SLC2A9: variants seen among roughly 807,000 people sequenced by gnomAD.
SLC2A9 encodes solute carrier family 2, facilitated glucose transporter member 9.
SLC2A9 carries 39 observed loss-of-function variants against 50.6 expected under a neutral mutation model. That is an observed-to-expected ratio of 0.77 (90% CI 0.60 to 1.01). The LOEUF is 1.01. Among genes scored for constraint, SLC2A9 ranks in the 50% least tolerant of loss-of-function variants. The pLI, the probability that SLC2A9 is intolerant of heterozygous loss-of-function variation, is 0.00. For synonymous variants in SLC2A9, 324 were observed against 276.9 expected, an observed-to-expected ratio of 1.17 and a Z score of -1.69; for missense variants, 686 against 677.6, an observed-to-expected ratio of 1.01 and a Z score of -0.14.
At chr4:9,852,258 T>C (rs1203368778) in intron 10 of SLC2A9, among the ~76,000 whole-genome samples, 1 of 151,664 alleles carries the variant, frequency 6.6e-6, no homozygotes, top group African/African-American at 2.4e-5. Context: ...TTTTTTTTTT[T>C]TTTTTGAGAC....
chr4:9,945,913 T>C (rs1749059653), intron 5 of SLC2A9, among the ~76,000 whole-genome samples: 1 of 152,200 alleles, frequency 6.6e-6, no homozygotes, highest in African/African-American at 2.4e-5. Context: ...CTGGTCCCTT[T>C]CACAAACAGC....
intron 10 of SLC2A9, among the ~76,000 whole-genome samples, chr4:9,852,186 A>G (rs560678512): frequency 2.0e-4 from 30 of 152,334 alleles, no homozygotes; most frequent in African/African-American, 5.3e-4. Flanking sequence ...TCAGGCTAAC[A>G]GTGGATGTTT....
At position 9,963,015 on chromosome 4, in the gene SLC2A9, G is replaced by A. The variant is rs575683526; in HGVS notation, c.681+17577C>T. The stretch of plus-strand genomic sequence containing the variant: ...TGCCACCTTCTCCAGAAAGCTTTCC[G>A]TGGCCCTCTCTCGCTGCATTAGGGC... On this transcript the variant is annotated intron_variant, in intron 5 of 11. Transcript: ENST00000264784. Among the ~76,000 whole-genome samples, 9 of 152,196 alleles carry A rather than the reference G, an allele frequency of 5.9e-5. No individual in the cohort carries two copies. In the South Asian group the frequency reaches 1.2e-3, roughly 21 times the overall value.
At chr4:9,783,583 T>C (rs189072747) in intron 3 of SLC2A9, 11 of 979,740 alleles carry the variant, frequency 1.1e-5, no homozygotes, top group African/African-American at 3.3e-5. Context: ...TTCTGTGTAG[T>C]AGCTCGTGTG....
chr4:10,029,591 TATA>T (rs1763869507), intron 1 of SLC2A9, among the ~76,000 whole-genome samples: 2 of 106,114 alleles, frequency 1.9e-5, no homozygotes, highest in South Asian at 2.4e-4. Context: ...TATTTTATTT[TATA>T]TTATTTTATT....
At chr4:9,774,869 T>C (rs1413105782), downstream of SLC2A9, among the ~76,000 whole-genome samples, 1 of 152,012 alleles carries the variant, frequency 6.6e-6, no homozygotes, top group Non-Finnish European at 1.5e-5. Context: ...TCATTCCTTC[T>C]GCAAATAAGG....
At chr4:9,995,012 T>C (rs1758392716) in intron 3 of SLC2A9, among the ~76,000 whole-genome samples, 1 of 152,144 alleles carries the variant, frequency 6.6e-6, no homozygotes, top group East Asian at 1.9e-4. Context: ...GGTTTTACAG[T>C]ACATTCCCAG....
chr4:9,826,708 T>A (rs187803855), intron 11 of SLC2A9, 108 bp from the exon 12 acceptor site: 1 of 1,015,458 alleles, frequency 9.8e-7, no homozygotes, highest in East Asian at 2.6e-5. Context: ...ATACCAATAC[T>A]CCTAGACAAA....
chr4:9,942,645 C>G (rs1383525582), intron 5 of SLC2A9, among the ~76,000 whole-genome samples: 2 of 152,212 alleles, frequency 1.3e-5, no homozygotes, highest in Non-Finnish European at 2.9e-5. Context: ...GAAAGGCAAA[C>G]AGATCCCTAC....
chr4:9,782,926 G>A (rs2227844), intron 3 of SLC2A9: 5 of 1,613,948 alleles, frequency 3.1e-6, no homozygotes, highest in Non-Finnish European at 4.2e-6. Flanking sequence ...AGACCCTGTC[G>A]GTGATCATGG....
At chr4:9,992,368 CT>C (rs1477175972) in intron 3 of SLC2A9, among the ~76,000 whole-genome samples, 1 of 152,228 alleles carries the variant, frequency 6.6e-6, no homozygotes, top group Non-Finnish European at 1.5e-5. Flanking sequence ...CTGGAAAATT[CT>C]TTGCTGTGGG....
chr4:9,823,148 T>A (rs1370490853), downstream of SLC2A9, among the ~76,000 whole-genome samples: 2 of 152,162 alleles, frequency 1.3e-5, no homozygotes, highest in Non-Finnish European at 2.9e-5. Flanking sequence ...AGAGTTACTT[T>A]TAGCGAACCT....
At chr4:9,886,825 C>T (rs769393375) in intron 10 of SLC2A9, among the ~76,000 whole-genome samples, 3 of 152,158 alleles carry the variant, frequency 2.0e-5, no homozygotes, top group Admixed American at 6.5e-5. Flanking sequence ...CCCTGCTGGA[C>T]GTGGACACAG....
intron 3 of SLC2A9, chr4:9,995,973 G>A (rs1225375728): frequency 1.3e-5 from 2 of 152,478 alleles, no homozygotes; most frequent in African/African-American, 4.8e-5. Context: ...CTCCCAGGAT[G>A]CTGTTGTTAT....
chr4:9,901,702 C>T (rs572127349), intron 8 of SLC2A9, among the ~76,000 whole-genome samples: 1 of 152,118 alleles, frequency 6.6e-6, no homozygotes, highest in African/African-American at 2.4e-5. Context: ...GCCCCTCAAG[C>T]GGCAGCCACA....
intron 2 of SLC2A9, among the ~76,000 whole-genome samples, chr4:9,998,564 C>T (rs564513984): frequency 1.2e-4 from 18 of 152,224 alleles, no homozygotes; most frequent in African/African-American, 3.6e-4. Context: ...TTGACTTGTA[C>T]AGCCATCTTG....
intron 8 of SLC2A9, among the ~76,000 whole-genome samples, chr4:9,903,560 C>T (rs981316073): frequency 3.9e-5 from 6 of 152,040 alleles, no homozygotes; most frequent in Admixed American, 6.6e-5. Context: ...TGATGACTGA[C>T]GCCCTGAGCC....
At chr4:9,959,993 C>A (rs1184807352) in intron 5 of SLC2A9, among the ~76,000 whole-genome samples, 1 of 152,222 alleles carries the variant, frequency 6.6e-6, no homozygotes, top group East Asian at 1.9e-4. Flanking sequence ...CCACGCCCTT[C>A]TGGGCAGGAA....
At chr4:9,957,630 C>G (rs1000640943) in intron 5 of SLC2A9, among the ~76,000 whole-genome samples, 2 of 152,126 alleles carry the variant, frequency 1.3e-5, no homozygotes, top group Non-Finnish European at 2.9e-5. Context: ...AAAACAAGAA[C>G]AGGACTCCAT....
Sources: allele counts gnomAD v4.1 joint callset (sites outside exome capture counted in the v4.1 genomes callset), GRCh38; gene constraint gnomAD v4.1.1; transcripts MANE v1.5; gene names NCBI Gene and HGNC (gene_info 2026-07-23, HGNC 2026-07-21).